Variants in GABRA5 observed in about 807,000 individuals in gnomAD.
The protein encoded by GABRA5 is gamma-aminobutyric acid receptor subunit alpha-5.
A neutral mutation model predicts 47.3 loss-of-function variants in GABRA5; 18 were observed. The observed-to-expected ratio is 0.38, with a 90% CI of 0.26 to 0.56. The LOEUF is 0.56. Among genes scored for constraint, GABRA5 ranks in the 20% least tolerant of loss-of-function variants. The pLI is 0.71. For synonymous variants in GABRA5, 237 were observed against 229.3 expected (o/e 1.03, Z -0.30); for missense variants, 365 against 599.3 (o/e 0.61, Z 4.08).
At chr15:26,909,010 A>G (rs192559485) in intron 6 of GABRA5, among the ~76,000 whole-genome samples, 152 of 152,354 alleles carry the variant, frequency 1.0e-3, no homozygotes, top group Non-Finnish European at 1.5e-3. Flanking sequence ...TTAACAAATT[A>G]CTACATAGTT....
chr15:26,875,242 C>T (rs1346593133), intron 3 of GABRA5, among the ~76,000 whole-genome samples: 1 of 152,176 alleles, frequency 6.6e-6, no homozygotes, highest in Non-Finnish European at 1.5e-5. Flanking sequence ...GAGATGGTGC[C>T]TGGCCTCAGC....
chr15:26,878,980 G>A (rs1351415025), intron 3 of GABRA5, among the ~76,000 whole-genome samples: 1 of 152,190 alleles, frequency 6.6e-6, no homozygotes, highest in Non-Finnish European at 1.5e-5. Context: ...AGACATCACT[G>A]TGGCTGCACA....
intron 6 of GABRA5, among the ~76,000 whole-genome samples, chr15:26,893,156 G>A (rs1048106442): frequency 6.1e-5 from 8 of 130,932 alleles, no homozygotes; most frequent in East Asian, 2.3e-4. Context: ...GGTGTGTGGC[G>A]TGTGTGGGGT....
Position 26,937,222 on chromosome 15 carries a change from C to G in GABRA5, c.618C>G (p.Thr206=). 1 of 1,613,970 alleles carries G rather than the reference C, an allele frequency of 6.2e-7. No homozygotes were observed. Among genetic ancestry groups the G allele is most frequent in the Non-Finnish European group, 8.5e-7 (1 of 1,179,866 alleles). Residue 206 remains threonine, a synonymous_variant, in exon 8 of 11, where the codon ACC becomes ACG. Transcript: ENST00000335625. The part of the protein sequence containing the change: ...YPNSEVVYVW[T]NGSTKSVVVA... ...ATTCTGAAGTCGTTTACGTCTGGAC[C>G]AACGGCTCCACCAAGTCGGTGGTGG...
intron 3 of GABRA5, among the ~76,000 whole-genome samples, chr15:26,870,593 T>C (rs921752999): frequency 2.6e-5 from 4 of 152,236 alleles, no homozygotes; most frequent in African/African-American, 9.6e-5. Flanking sequence ...GGAAAGAGCA[T>C]TGGCCGTGGC....
chr15:26,916,166 C>G (rs1017270175), intron 7 of GABRA5, among the ~76,000 whole-genome samples: 2 of 151,996 alleles, frequency 1.3e-5, no homozygotes, highest in Non-Finnish European at 2.9e-5. Flanking sequence ...TTGAAAAGTT[C>G]TGTGTCTTAC....
At chr15:26,896,815 C>T (rs1172668868) in intron 6 of GABRA5, among the ~76,000 whole-genome samples, 4 of 152,022 alleles carry the variant, frequency 2.6e-5, no homozygotes, top group African/African-American at 9.7e-5. Flanking sequence ...CCAAGTTGGC[C>T]CAAGGTGATT....
intron 1 of GABRA5, among the ~76,000 whole-genome samples, chr15:26,868,380 TG>T (rs371423435): frequency 1.1e-3 from 162 of 145,416 alleles, no homozygotes; most frequent in African/African-American, 4.0e-3. Flanking sequence ...TTGCGGGGGA[TG>T]GGGGTTGGGG....
Position 26,884,477 on chromosome 15 carries a change from T to G in GABRA5, c.497+920T>G, listed in dbSNP as rs114398560. 3.6e-3 allele frequency among the ~76,000 whole-genome samples: 545 copies of G among 152,272 alleles called. 3 individuals are homozygous for G. The highest frequency in any genetic ancestry group is 0.012 in the African/African-American group (516 of 41,566). On this transcript the variant is annotated intron_variant, in intron 6 of 10. Coordinates refer to ENST00000335625, the MANE Select transcript of GABRA5 (RefSeq NM_000810.4). ...AGGCTTCAGAAAATATTTTTTAAAT[T>G]GAAAAAAACAGCATTAAAGTCAAGT...
intron 3 of GABRA5, among the ~76,000 whole-genome samples, chr15:26,875,885 GT>G (rs1892585591): frequency 6.6e-6 from 1 of 152,140 alleles, no homozygotes; most frequent in Admixed American, 6.5e-5. Flanking sequence ...TGACTTAAAC[GT>G]TGAAGCTCAC....
intron 6 of GABRA5, among the ~76,000 whole-genome samples, chr15:26,909,146 T>C (rs972409134): frequency 9.9e-5 from 15 of 152,128 alleles, no homozygotes; most frequent in Admixed American, 8.5e-4. Flanking sequence ...TAGGGGACAA[T>C]CTGTGTCCTT....
chr15:26,923,688 T>C (rs1893891905), intron 7 of GABRA5, among the ~76,000 whole-genome samples: 1 of 152,156 alleles, frequency 6.6e-6, no homozygotes, highest in Non-Finnish European at 1.5e-5. Flanking sequence ...GAACACTCTT[T>C]CTGGTCCAGC....
intron 3 of GABRA5, among the ~76,000 whole-genome samples, chr15:26,876,339 T>G (rs976029686): frequency 1.6e-4 from 24 of 152,172 alleles, no homozygotes; most frequent in African/African-American, 5.8e-4. Context: ...GATGAGACAG[T>G]CGGAGGTTAA....
chr15:26,921,245 G>C (rs1388841703), intron 7 of GABRA5, among the ~76,000 whole-genome samples: 1 of 152,032 alleles, frequency 6.6e-6, no homozygotes, highest in Non-Finnish European at 1.5e-5. Context: ...GAAACCACCA[G>C]GGCTTGAAGG....
chr15:26,948,299 G>T lies in GABRA5; in HGVS notation c.*66G>T, dbSNP rs966654465. On this transcript the variant is annotated 3_prime_UTR_variant, in exon 11 of 11. Transcript: ENST00000335625. The stretch of plus-strand genomic sequence containing the variant: ...CGAAATGGTACCAAGGAGAGGTCTT[G>T]CTCACAGGGACTCTCCATATGTGAG... 1.3e-6 allele frequency: 2 copies of T among 1,488,724 alleles called. No homozygotes were observed. The highest frequency in any genetic ancestry group is 2.8e-5 in the African/African-American group (2 of 71,544). The allele number at this position is 1,488,724 out of a possible 1,614,324, so 92.2% of individuals were successfully genotyped here.
chr15:26,914,961 G>A, intron 7 of GABRA5, 76 bp downstream of exon 7: 9 of 1,182,864 alleles, frequency 7.6e-6, no homozygotes, highest in Non-Finnish European at 1.1e-5. Context: ...GAAGAATTTA[G>A]GTTCTGCATA....
chr15:26,875,514 A>T (rs1489486895), intron 3 of GABRA5, among the ~76,000 whole-genome samples: 2 of 152,228 alleles, frequency 1.3e-5, no homozygotes, highest in Non-Finnish European at 2.9e-5. Context: ...AGTAAGAGAC[A>T]GTGCGTGTGC....
chr15:26,898,046 G>A (rs1363800354), intron 6 of GABRA5, among the ~76,000 whole-genome samples: 1 of 152,100 alleles, frequency 6.6e-6, no homozygotes, highest in Non-Finnish European at 1.5e-5. Flanking sequence ...GGCCACTTAG[G>A]GGTAATGATA....
chr15:26,893,405 T>TGTGTGTATGG (rs1349475677), intron 6 of GABRA5, among the ~76,000 whole-genome samples: 1 of 142,706 alleles, frequency 7.0e-6, no homozygotes, highest in African/African-American at 2.6e-5. Context: ...GTATGGTGTG[T>TGTGTGTATGG]TGTGTGTGTT....
Sources: gnomAD v4.1 joint callset for allele counts (sites outside exome capture counted in the v4.1 genomes callset) on GRCh38, gnomAD v4.1.1 for gene constraint, MANE v1.5 for transcripts, NCBI Gene and HGNC (gene_info 2026-07-23, HGNC 2026-07-21) for gene names.